The following FBXO36 variants were observed in gnomAD, a reference collection of about 807,000 sequenced individuals.
The protein encoded by FBXO36 is F-box protein 36.
A neutral mutation model predicts 17.0 loss-of-function variants in FBXO36; 18 were observed. That is an observed-to-expected ratio of 1.06 (90% confidence interval 0.73 to 1.57). FBXO36 has a LOEUF of 1.57. Among genes scored for constraint, FBXO36 ranks in the 40% most tolerant of loss-of-function variants. FBXO36 has a pLI of 0.00. For missense variants in FBXO36, 229 were observed against 221.9 expected (o/e 1.03, Z -0.20); for synonymous variants, 83 against 85.3 (o/e 0.97, Z 0.15).
At position 229,931,854 on chromosome 2, in the gene FBXO36, T is replaced by C. The variant is rs528110978; in HGVS notation, c.96+9245T>C. On this transcript the variant is annotated intron_variant, in intron 1 of 3. Coordinates refer to ENST00000283946, the MANE Select transcript of FBXO36 (RefSeq NM_174899.5). ...ACTTCAGTCTCAAAAAAATAAAATA[T>C]AATGCTGTTTCACATGAAAGTAGTC... is the stretch of plus-strand genomic sequence containing the variant. 5.2e-4 allele frequency among the ~76,000 whole-genome samples: 79 copies of C among 152,064 alleles called. 3 individuals carry two copies. In the South Asian group the frequency reaches 0.016, roughly 30 times the overall value.
chr2:229,986,533 A>ATT (rs1223670808), intron 2 of FBXO36, among the ~76,000 whole-genome samples: 9 of 140,358 alleles, frequency 6.4e-5, no homozygotes, highest in Admixed American at 1.4e-4. Context: ...AAACATAAAA[A>ATT]TTTTTTTTTT....
intron 1 of FBXO36, among the ~76,000 whole-genome samples, chr2:229,939,779 G>T (rs1320515767): frequency 6.6e-6 from 1 of 152,128 alleles, no homozygotes; most frequent in Admixed American, 6.5e-5. Context: ...AGCTCCTCGA[G>T]ACCCTATAGG....
chr2:229,996,029 A>G (rs1208366428), intron 2 of FBXO36, among the ~76,000 whole-genome samples: 1 of 151,968 alleles, frequency 6.6e-6, no homozygotes, highest in East Asian at 1.9e-4. Flanking sequence ...GAATCCCAGC[A>G]CTTTGGGAGG....
chr2:229,997,864 C>T (rs975544733), intron 3 of FBXO36, among the ~76,000 whole-genome samples: 9 of 152,188 alleles, frequency 5.9e-5, no homozygotes, highest in African/African-American at 1.9e-4. Flanking sequence ...GTTGTACTCC[C>T]TGGATCCTGG....
chr2:229,938,863 G>C (rs1280123039), intron 1 of FBXO36, among the ~76,000 whole-genome samples: 3 of 145,522 alleles, frequency 2.1e-5, no homozygotes, highest in Non-Finnish European at 3.0e-5. Flanking sequence ...GGGTTCAAGC[G>C]ATTCTCCTGC....
chr2:230,002,719 A>G (rs1010573066), intron 3 of FBXO36, among the ~76,000 whole-genome samples: 4 of 152,168 alleles, frequency 2.6e-5, no homozygotes, highest in African/African-American at 9.7e-5. Context: ...ATCCTTCAAA[A>G]AACAAAAACT....
chr2:229,966,569 G>A (rs2077154138), intron 1 of FBXO36, among the ~76,000 whole-genome samples: 1 of 152,154 alleles, frequency 6.6e-6, no homozygotes, highest in South Asian at 2.1e-4. Context: ...AAGGTGTAAG[G>A]AAGGGATCCA....
At chr2:230,008,654 C>T (rs889342890) in intron 3 of FBXO36, among the ~76,000 whole-genome samples, 5 of 152,214 alleles carry the variant, frequency 3.3e-5, no homozygotes, top group Non-Finnish European at 7.3e-5. Flanking sequence ...TTACAAGACA[C>T]ATTGATATCC....
chr2:229,955,517 G>GA (rs1402445030), intron 1 of FBXO36, among the ~76,000 whole-genome samples: 132 of 137,856 alleles, frequency 9.6e-4, no homozygotes, highest in African/African-American at 1.7e-3. Flanking sequence ...CCCCGTCTCA[G>GA]AAAAAAAAAA....
chr2:229,930,392 C>T (rs796333117), intron 1 of FBXO36, among the ~76,000 whole-genome samples: 4 of 152,258 alleles, frequency 2.6e-5, no homozygotes, highest in African/African-American at 9.6e-5. Flanking sequence ...TTGATTTACA[C>T]TCCTCTTTTC....
At chr2:230,000,187 A>T (rs1248959196) in intron 3 of FBXO36, among the ~76,000 whole-genome samples, 2 of 151,740 alleles carry the variant, frequency 1.3e-5, no homozygotes, top group Admixed American at 1.3e-4. Context: ...GGGAAACCAC[A>T]TCTCAACTAA....
intron 1 of FBXO36, among the ~76,000 whole-genome samples, chr2:229,946,418 T>C (rs1284487074): frequency 6.6e-6 from 1 of 152,240 alleles, no homozygotes; most frequent in East Asian, 1.9e-4. Flanking sequence ...CCTGCATCTC[T>C]GCCAAGAATC....
At chr2:229,946,221 G>A (rs997315981) in intron 1 of FBXO36, among the ~76,000 whole-genome samples, 10 of 152,138 alleles carry the variant, frequency 6.6e-5, no homozygotes, top group Admixed American at 5.9e-4. Flanking sequence ...GCACTGCTGT[G>A]TTTAAGGTGT....
At chr2:229,966,847 A>G (rs1309434509) in intron 1 of FBXO36, among the ~76,000 whole-genome samples, 1 of 152,112 alleles carries the variant, frequency 6.6e-6, no homozygotes, top group Non-Finnish European at 1.5e-5. Flanking sequence ...TGGCTTAGGA[A>G]TGACTTGGCA....
At chr2:229,968,236 G>A (rs2077163751) in intron 1 of FBXO36, among the ~76,000 whole-genome samples, 1 of 151,696 alleles carries the variant, frequency 6.6e-6, no homozygotes, top group Admixed American at 6.6e-5. Context: ...AATTAAAAAT[G>A]TATTTTCCCT....
intron 1 of FBXO36, among the ~76,000 whole-genome samples, chr2:229,925,563 T>C (rs2076907946): frequency 6.6e-6 from 1 of 152,228 alleles, no homozygotes; most frequent in Non-Finnish European, 1.5e-5. Flanking sequence ...ATTTTTTTAA[T>C]GTTGTATATT....
At chr2:229,963,438 T>C (rs1346097099) in intron 1 of FBXO36, among the ~76,000 whole-genome samples, 1 of 147,366 alleles carries the variant, frequency 6.8e-6, no homozygotes, top group Non-Finnish European at 1.5e-5. Flanking sequence ...TTTGCATTTC[T>C]TTTTTCTTTT....
Position 229,969,844 on chromosome 2 carries a change from A to G in FBXO36, c.97-6397A>G, listed in dbSNP as rs2077172571. 1.3e-5 allele frequency among the ~76,000 whole-genome samples: 2 copies of G among 152,198 alleles called. 1 individual carries two copies. The highest frequency in any genetic ancestry group is 2.9e-5 in the Non-Finnish European group (2 of 68,030). On this transcript the variant is annotated intron_variant, in intron 1 of 3. Transcript: ENST00000283946. ...GAGGATTAGTATTTACAATATATAA[A>G]CAAACAATCTTGTTAGAAAATGGAC... is the stretch of plus-strand genomic sequence containing the variant.
intron 1 of FBXO36, among the ~76,000 whole-genome samples, chr2:229,954,637 T>A (rs1577338840): frequency 8.0e-6 from 1 of 124,442 alleles, no homozygotes; most frequent in East Asian, 2.7e-4. Flanking sequence ...AAGCTCCCCC[T>A]CCCAGGTTCA....
Sources: gnomAD v4.1 joint callset for allele counts (sites outside exome capture counted in the v4.1 genomes callset) on GRCh38, gnomAD v4.1.1 for gene constraint, MANE v1.5 for transcripts, NCBI Gene and HGNC (gene_info 2026-07-23, HGNC 2026-07-21) for gene names.